Variants in MED12L observed in about 807,000 individuals in gnomAD.
The protein encoded by MED12L is mediator complex subunit 12L.
Under a neutral mutation model 281.3 loss-of-function variants are expected in MED12L, and 60 were observed. That is an observed-to-expected ratio of 0.21 (90% CI 0.17 to 0.26). MED12L has a LOEUF of 0.26. Ranked by LOEUF, MED12L falls within the 10% of genes least tolerant of loss-of-function variation. The pLI, the probability that MED12L is intolerant of heterozygous loss-of-function variation, is 1.00. For synonymous variants in MED12L, 974 were observed against 987.2 expected (o/e 0.99, Z 0.25); for missense variants, 2,146 against 2,680.9 (o/e 0.80, Z 4.41).
At chr3:151,138,422 C>T (rs182389714) in intron 5 of MED12L, among the ~76,000 whole-genome samples, 26 of 152,306 alleles carry the variant, frequency 1.7e-4, no homozygotes, top group Non-Finnish European at 2.6e-4. Context: ...TAATATGATA[C>T]ATTTATTATA....
Position 151,317,915 on chromosome 3 carries a change from G to C in MED12L, c.2251-32144G>C, listed in dbSNP as rs530436908. 7.9e-5 allele frequency among the ~76,000 whole-genome samples: 12 copies of C among 152,210 alleles called. No individual in the cohort carries two copies. In the South Asian group the frequency reaches 1.9e-3, roughly 24 times the overall value. On this transcript the variant is annotated intron_variant, in intron 16 of 44. Coordinates refer to ENST00000687756, the MANE Select transcript of MED12L (RefSeq NM_001393769.1). ...AAGATAAATGAAAATAATCAAAGGT[G>C]AAAACTTTTTTGGAGTGAATAAATC...
At chr3:151,087,170 C>A in intron 2 of MED12L, 145 bp downstream of exon 2, 1 of 642,476 alleles carries the variant, frequency 1.6e-6, no homozygotes. Flanking sequence ...GCTGGGGGTG[C>A]TGGGCGACCC....
At chr3:151,231,584 CTT>C (rs1401961698) in intron 16 of MED12L, among the ~76,000 whole-genome samples, 1 of 152,030 alleles carries the variant, frequency 6.6e-6, no homozygotes. Flanking sequence ...GCCTTGGACT[CTT>C]TAAAAAAATC....
At chr3:151,211,118 G>A (rs1159540606) in intron 16 of MED12L, among the ~76,000 whole-genome samples, 3 of 152,212 alleles carry the variant, frequency 2.0e-5, no homozygotes, top group Admixed American at 6.5e-5. Flanking sequence ...AGTTCTAATA[G>A]GTAGTAACTA....
rs1719931160 is a variant in MED12L, at chr3:151,434,930, A to T, written c.*2126A>T. 6.6e-6 allele frequency: 1 copy of T among 151,914 alleles called. No homozygotes were observed. Among genetic ancestry groups the T allele is most frequent in the African/African-American group, 2.4e-5 (1 of 41,332 alleles). 9.4% of individuals were successfully genotyped at this position (151,914 alleles called of 1,614,324 possible). On this transcript the variant is annotated 3_prime_UTR_variant, in exon 45 of 45. Transcript: ENST00000687756. ...TTTTAGGTGAGGAAGTTATGCTACG[A>T]CTCTAATTAATTCCACGATTCTATT...
At chr3:151,326,494 G>T (rs1254774262) in intron 16 of MED12L, 1 of 152,482 alleles carries the variant, frequency 6.6e-6, no homozygotes, top group Non-Finnish European at 1.5e-5. Flanking sequence ...GGTGATGGTG[G>T]GATATTGGCC....
intron 37 of MED12L, among the ~76,000 whole-genome samples, chr3:151,388,628 T>A (rs1021527793): frequency 6.6e-6 from 1 of 152,222 alleles, no homozygotes; most frequent in Non-Finnish European, 1.5e-5. Context: ...AATAGGATGT[T>A]CCTGAGATTT....
intron 8 of MED12L, among the ~76,000 whole-genome samples, chr3:151,160,786 G>C (rs1719883146): frequency 1.3e-5 from 2 of 152,196 alleles, no homozygotes. Context: ...AATATGACAA[G>C]GGCTGTTGGG....
At chr3:151,249,077 G>T (rs1022286399) in intron 16 of MED12L, 9 of 152,170 alleles carry the variant, frequency 5.9e-5, no homozygotes, top group African/African-American at 2.2e-4. Flanking sequence ...TACTACAGAT[G>T]TCCAGTATTC....
chr3:151,366,209 G>A (rs890509074), intron 23 of MED12L, among the ~76,000 whole-genome samples: 1 of 152,154 alleles, frequency 6.6e-6, no homozygotes, highest in African/African-American at 2.4e-5. Context: ...TTAATCTGTA[G>A]CAGAGGGGCC....
chr3:151,194,992 G>A (rs568169617), intron 16 of MED12L, among the ~76,000 whole-genome samples: 11 of 152,056 alleles, frequency 7.2e-5, no homozygotes, highest in Non-Finnish European at 1.6e-4. Flanking sequence ...GTGAAACCCC[G>A]TATCTACTAA....
chr3:151,094,053 T>C (rs1720409102), intron 2 of MED12L, among the ~76,000 whole-genome samples: 1 of 152,188 alleles, frequency 6.6e-6, no homozygotes, highest in Non-Finnish European at 1.5e-5. Flanking sequence ...AAGATTCTAG[T>C]TGAACCAGTT....
intron 16 of MED12L, chr3:151,270,011 G>A (rs1240893685): frequency 8.0e-6 from 2 of 249,134 alleles, no homozygotes; most frequent in Non-Finnish European, 1.6e-5. Context: ...AGAAAGGGAA[G>A]GAGATAAATG....
intron 31 of MED12L, among the ~76,000 whole-genome samples, chr3:151,379,194 T>C (rs999803058): frequency 1.3e-5 from 2 of 152,214 alleles, no homozygotes; most frequent in Non-Finnish European, 2.9e-5. Flanking sequence ...ATAATTCTAA[T>C]TTTCAAATCA....
chr3:151,109,027 C>T (rs1285417518), intron 2 of MED12L, among the ~76,000 whole-genome samples: 1 of 151,682 alleles, frequency 6.6e-6, no homozygotes, highest in African/African-American at 2.4e-5. Context: ...TTTATGGATG[C>T]AGTTGGAGGT....
rs917822176 is a variant in MED12L at position 151,434,260 on chromosome 3, A to AT, written c.*1460dup. On this transcript the variant is annotated 3_prime_UTR_variant, in exon 45 of 45. Transcript: ENST00000687756. ...TGTAGCTAGTACAACTTTAGTAGAC[A>AT]TTTTCTTTTGCAAATCATTATCTAT... The AT allele has an allele frequency of 2.6e-5, 4 of 152,252 alleles. No individual in the cohort carries two copies. Among genetic ancestry groups the AT allele is most frequent in the African/African-American group, 9.6e-5 (4 of 41,544 alleles). The allele number at this position is 152,252 out of a possible 1,614,324, so 9.4% of individuals were successfully genotyped here. A position where few individuals can be genotyped will look rare whatever the true frequency, so the allele number is the denominator to read the frequency against.
Position 151,104,180 on chromosome 3 carries a change from A to G in MED12L, c.100-12158A>G, listed in dbSNP as rs1721729053. ...TAGCAGTATAGGTGACGGTGGATGTAAAGAGCTGACTTTCATATGTGGCTT... is the reference window on the plus strand; with the variant it reads ...TAGCAGTATAGGTGACGGTGGATGTGAAGAGCTGACTTTCATATGTGGCTT... On this transcript the variant is annotated intron_variant, in intron 2 of 44. Coordinates refer to ENST00000687756, the MANE Select transcript of MED12L (RefSeq NM_001393769.1). Among the ~76,000 whole-genome samples the G allele has an allele frequency of 7.9e-5, 12 of 152,248 alleles. No individual in the cohort carries two copies. In the South Asian group the frequency reaches 2.5e-3, roughly 32 times the overall value.
At chr3:151,229,231 G>A (rs1731125369) in intron 16 of MED12L, among the ~76,000 whole-genome samples, 1 of 151,114 alleles carries the variant, frequency 6.6e-6, no homozygotes, top group Non-Finnish European at 1.5e-5. Flanking sequence ...CCTGTTTTGT[G>A]TATTAATCCC....
At chr3:151,320,561 C>G (rs1048428740) in intron 16 of MED12L, among the ~76,000 whole-genome samples, 1 of 152,148 alleles carries the variant, frequency 6.6e-6, no homozygotes, top group African/African-American at 2.4e-5. Flanking sequence ...GGTCCCTATG[C>G]TTGAATTACT....
Sources: allele counts gnomAD v4.1 joint callset (sites outside exome capture counted in the v4.1 genomes callset), GRCh38; gene constraint gnomAD v4.1.1; transcripts MANE v1.5; gene names NCBI Gene and HGNC (gene_info 2026-07-23, HGNC 2026-07-21).